Variants in DPF1 observed in about 807,000 individuals in gnomAD.
DPF1 encodes double PHD fingers 1.
Under a neutral mutation model 58.7 loss-of-function variants are expected in DPF1, and 14 were observed. The ratio of observed to expected loss-of-function variants is 0.24; its 90% confidence interval spans 0.16 to 0.37. DPF1 has a LOEUF of 0.37. Ranked by LOEUF, DPF1 falls within the 10% of genes least tolerant of loss-of-function variation. DPF1 has a pLI of 1.00. For missense variants in DPF1, 345 were observed against 529.9 expected, an observed-to-expected ratio of 0.65 and a Z score of 3.43; for synonymous variants, 216 against 216.0, an observed-to-expected ratio of 1.00 and a Z score of 0.00.
At chr19:38,227,222 G>A (rs1226636546), upstream of DPF1, among the ~76,000 whole-genome samples, 2 of 151,834 alleles carry the variant, frequency 1.3e-5, no homozygotes, top group South Asian at 2.1e-4. Context: ...GGGACTACAG[G>A]CCTGTGCCAC....
intron 9 of DPF1, among the ~76,000 whole-genome samples, chr19:38,214,444 C>A (rs899869000): frequency 6.6e-6 from 1 of 152,188 alleles, no homozygotes; most frequent in Non-Finnish European, 1.5e-5. Context: ...AACCATATTT[C>A]ACTACCCATG....
rs748689849 is a variant in DPF1, at chr19:38,217,564, G to A, written c.623C>T (p.Pro208Leu). Residue 208 changes from proline (P) to leucine (L), a missense_variant, in exon 7 of 12, where the codon CCG becomes CTG. By Grantham distance (98) the Pro-to-Leu change is moderately conservative. Transcript: ENST00000355526. ...DICGKRYKNR[P>L]GLSYHYTHTH... is the part of the protein sequence containing the mutation. ...GTGGGTGTAGTGGTAGCTGAGCCCC[G>A]GCCGGTTCTTATACCGTTTCCCACA... 1.3e-6 allele frequency: 2 copies of A among 1,551,340 alleles called. No homozygotes were observed. Among genetic ancestry groups the A allele is most frequent in the Non-Finnish European group, 1.7e-6 (2 of 1,146,830 alleles).
chr19:38,217,395 C>CCCCCCCGG, intron 7 of DPF1, 65 bp downstream of exon 7: 5 of 1,150,378 alleles, frequency 4.3e-6, no homozygotes, highest in South Asian at 1.4e-5. Flanking sequence ...ACCCCCACCC[C>CCCCCCCGG]CAGCTGGGCT....
intron 10 of DPF1, among the ~76,000 whole-genome samples, chr19:38,212,611 T>G (rs1169998443): frequency 1.3e-5 from 2 of 152,014 alleles, no homozygotes; most frequent in African/African-American, 4.8e-5. Context: ...TTATTATTAT[T>G]ATTATTTTAT....
At chr19:38,216,058 G>A (rs922517117) in intron 9 of DPF1, 82 bp downstream of exon 9, 35 of 1,522,260 alleles carry the variant, frequency 2.3e-5, no homozygotes, top group Middle Eastern at 2.4e-4. Flanking sequence ...GGTCCTCACC[G>A]CCTTGCCTCC....
upstream of DPF1, among the ~76,000 whole-genome samples, chr19:38,228,421 C>A (rs1967916833): frequency 6.6e-6 from 1 of 151,760 alleles, no homozygotes; most frequent in Non-Finnish European, 1.5e-5. Context: ...CCGCCCCCAG[C>A]CCTCGATGTT....
At position 38,217,676 on chromosome 19, in the gene DPF1, C is replaced by A. The variant is rs565385226; in HGVS notation, c.596-85G>T. On this transcript the variant is annotated intron_variant, in intron 6 of 11. Coordinates refer to ENST00000355526, the MANE Select transcript of DPF1 (RefSeq NM_001135155.3). ...CCTGGCCTCCAGGATCACACCTCCC[C>A]CCTCAGCCAGAGACCTGAGCAGCCT... 5 of 1,542,600 alleles carry A rather than the reference C, an allele frequency of 3.2e-6. No homozygotes were observed. The South Asian group carries it at 3.6e-5, about 11-fold the overall frequency.
At chr19:38,213,799 C>G in intron 9 of DPF1, 43 bp from the exon 10 acceptor site, 1 of 1,552,936 alleles carries the variant, frequency 6.4e-7, no homozygotes, top group Non-Finnish European at 8.9e-7. Context: ...GGTCACCGTG[C>G]CCCTGGTGGG....
chr19:38,218,534 T>G, intron 5 of DPF1, 39 bp downstream of exon 5: 2 of 1,596,380 alleles, frequency 1.3e-6, no homozygotes, highest in Non-Finnish European at 1.7e-6. Context: ...AGACCTGTCA[T>G]TGAGGGGAGC....
rs2146204327 is a variant in DPF1, at chr19:38,222,469, A to C, written c.191-5T>G. The C allele has an allele frequency of 6.3e-7, 1 of 1,582,036 alleles. No individual in the cohort carries two copies. The highest frequency in any genetic ancestry group is 1.2e-5 in the South Asian group (1 of 86,612). On this transcript the variant is annotated splice_polypyrimidine_tract_variant and splice_region_variant and intron_variant, in intron 2 of 11. Transcript: ENST00000355526. This position sits in a 1 kb window ranked among gnomAD's most constrained non-coding sequence, Gnocchi z 4.9. Reference sequence around the variant, plus strand: ...AAATCTGTCCCGGGGCCAAACCTGGAGAGAGAGGGGGGTGAGAGGGCGGCG... The same window carrying C: ...AAATCTGTCCCGGGGCCAAACCTGGCGAGAGAGGGGGGTGAGAGGGCGGCG...
At chr19:38,212,202 G>A (rs868445455) in intron 11 of DPF1, 69 bp from the exon 12 acceptor site, 1 of 1,173,484 alleles carries the variant, frequency 8.5e-7, no homozygotes, top group Non-Finnish European at 1.2e-6. Context: ...TTCCCACCCC[G>A]AGGACACACA....
intron 7 of DPF1, 76 bp downstream of exon 7, chr19:38,217,384 C>G (rs554963602): frequency 2.7e-6 from 2 of 737,528 alleles, no homozygotes; most frequent in Admixed American, 3.6e-5. Flanking sequence ...AATGCCCCCC[C>G]ACCCCCACCC....
At chr19:38,223,007 A>G (rs1967621598) in intron 1 of DPF1, 1 of 398,148 alleles carries the variant, frequency 2.5e-6, no homozygotes, top group South Asian at 5.2e-5. Context: ...ACACAACACA[A>G]ATCACACACA....
At chr19:38,228,393 TCCCCCCA>T (rs1175900509), upstream of DPF1, among the ~76,000 whole-genome samples, 2 of 145,740 alleles carry the variant, frequency 1.4e-5, no homozygotes, top group Admixed American at 6.7e-5. Context: ...TCTCCCTCTC[TCCCCCCA>T]CCCCCCACCC....
At chr19:38,223,601 C>A (rs953660636) in intron 1 of DPF1, among the ~76,000 whole-genome samples, 1 of 152,130 alleles carries the variant, frequency 6.6e-6, no homozygotes, top group Non-Finnish European at 1.5e-5. Flanking sequence ...GAACACAAGA[C>A]AAATGACATA....
At chr19:38,220,839 G>A (rs1967418383) in intron 3 of DPF1, among the ~76,000 whole-genome samples, 1 of 152,036 alleles carries the variant, frequency 6.6e-6, no homozygotes, top group Non-Finnish European at 1.5e-5. Flanking sequence ...CCACGCTCCT[G>A]GGTACACACA....
chr19:38,217,900 G>T, intron 5 of DPF1, 24 bp from the exon 6 acceptor site: 1 of 1,613,560 alleles, frequency 6.2e-7, no homozygotes. Flanking sequence ...CAGGAGTGAG[G>T]GGCCAAGAAA....
upstream of DPF1, among the ~76,000 whole-genome samples, chr19:38,226,042 C>G (rs559351700): frequency 6.6e-6 from 1 of 152,102 alleles, no homozygotes. Flanking sequence ...CTCACATGCC[C>G]GCATGCCCTG....
chr19:38,214,371 C>T (rs1305577433), intron 9 of DPF1, among the ~76,000 whole-genome samples: 5 of 152,198 alleles, frequency 3.3e-5, no homozygotes, highest in Non-Finnish European at 7.3e-5. Flanking sequence ...ATGGCGCCCG[C>T]CCCCTGCAAC....
Sources: gnomAD v4.1 joint callset for allele counts (sites outside exome capture counted in the v4.1 genomes callset) on GRCh38, gnomAD v4.1.1 for gene constraint, Gnocchi (gnomAD v3.1) non-coding constraint, MANE v1.5 for transcripts, NCBI Gene and HGNC (gene_info 2026-07-23, HGNC 2026-07-21) for gene names.